RPL23A: variants seen among roughly 807,000 people sequenced by gnomAD.
RPL23A encodes large ribosomal subunit protein uL23.
RPL23A carries 2 observed loss-of-function variants against 17.6 expected under a neutral mutation model. The observed-to-expected ratio is 0.11, with a 90% CI of 0.05 to 0.36. RPL23A has a LOEUF of 0.36. Ranked by LOEUF, RPL23A falls within the 10% of genes least tolerant of loss-of-function variation. RPL23A has a pLI of 1.00. For missense variants in RPL23A, 132 were observed against 194.4 expected, an observed-to-expected ratio of 0.68 and a Z score of 1.91; for synonymous variants, 65 against 74.3, an observed-to-expected ratio of 0.87 and a Z score of 0.65.
rs374118651 is a variant in RPL23A, at chr17:28,723,917, A to T, written c.*36A>T. ...GCTGCCTAATTCTGAATATATATAT[A>T]TATATATCTTTTCACCATATACATG... is the stretch of plus-strand genomic sequence containing the variant. On this transcript the variant is annotated 3_prime_UTR_variant, in exon 5 of 5. Coordinates refer to ENST00000422514, the MANE Select transcript of RPL23A (RefSeq NM_000984.6). 67 of 1,443,818 alleles carry T rather than the reference A, an allele frequency of 4.6e-5. No homozygotes were observed. The African/African-American group carries it at 8.7e-4, about 19-fold the overall frequency. The allele number at this position is 1,443,818 out of a possible 1,614,324, so 89.4% of individuals were successfully genotyped here.
chr17:28,721,005 C>G (rs1366645841), intron 2 of RPL23A, 115 bp downstream of exon 2: 4 of 881,820 alleles, frequency 4.5e-6, no homozygotes, highest in Non-Finnish European at 7.1e-6. Context: ...CAGTGTGCTT[C>G]TCTAATTGGA....
intron 1 of RPL23A, chr17:28,720,232 G>T (rs989962100): frequency 3.2e-6 from 5 of 1,539,076 alleles, no homozygotes; most frequent in East Asian, 4.9e-5. Flanking sequence ...AGTTGGGGGG[G>T]GGCAACGCGG....
chr17:28,720,225 TGGGGGGGGGCAACGCGGCAG>T (rs1567751128), intron 1 of RPL23A, 195 bp downstream of exon 1: 1 of 1,506,308 alleles, frequency 6.6e-7, no homozygotes, highest in East Asian at 2.5e-5. Flanking sequence ...TAGAGGGAGT[TGGGGGGGGGCAACGCGGCAG>T]GCATCATCCG....
At chr17:28,721,739 A>G (rs2034117953) in intron 2 of RPL23A, 1 of 152,216 alleles carries the variant, frequency 6.6e-6, no homozygotes, top group Non-Finnish European at 1.5e-5. Flanking sequence ...GAGCCATGGT[A>G]GTAGTTAGTA....
At chr17:28,722,313 G>A (rs979149287) in intron 2 of RPL23A, 28 of 301,494 alleles carry the variant, frequency 9.3e-5, no homozygotes, top group Non-Finnish European at 1.7e-4. Flanking sequence ...TGAGTAGCTC[G>A]GACTACAGGC....
intron 3 of RPL23A, 58 bp from the exon 4 acceptor site, chr17:28,723,513 G>A: frequency 1.2e-5 from 15 of 1,213,928 alleles, no homozygotes; most frequent in Non-Finnish European, 1.7e-5. Context: ...GAGGAGGAAG[G>A]GGGAGGGTGT....
chr17:28,720,261 G>C (rs1308791879), intron 1 of RPL23A: 1 of 1,543,312 alleles, frequency 6.5e-7, no homozygotes, highest in Admixed American at 2.0e-5. Flanking sequence ...ATCCGCCAGG[G>C]AGGGCCAGAC....
rs905829699 is a variant in RPL23A at position 28,720,689 on chromosome 17, T to C, written c.26-18T>C. 1.2e-6 allele frequency: 2 copies of C among 1,614,056 alleles called. No homozygotes were observed. Among genetic ancestry groups the C allele is most frequent in the Non-Finnish European group, 8.5e-7 (1 of 1,179,936 alleles). On this transcript the variant is annotated intron_variant, in intron 1 of 4. Coordinates refer to ENST00000422514, the MANE Select transcript of RPL23A (RefSeq NM_000984.6). ...ATTTCTAAATCCCGCACCCACGTTTTCTTTCCTTTTCTCCCAGCTCCTGCC... is the reference window on the plus strand; with the variant it reads ...ATTTCTAAATCCCGCACCCACGTTTCCTTTCCTTTTCTCCCAGCTCCTGCC...
At chr17:28,722,081 T>A (rs1322608244) in intron 2 of RPL23A, among the ~76,000 whole-genome samples, 1 of 151,738 alleles carries the variant, frequency 6.6e-6, no homozygotes, top group Non-Finnish European at 1.5e-5. Flanking sequence ...CCGTCTCTAC[T>A]AAAAATACAA....
Position 28,723,895 on chromosome 17 carries a change from G to A in RPL23A, c.*14G>A, listed in dbSNP as rs1441705036. On this transcript the variant is annotated 3_prime_UTR_variant, in exon 5 of 5. Coordinates refer to ENST00000422514, the MANE Select transcript of RPL23A (RefSeq NM_000984.6). ...GGGATCATCTAAACTGAGTCCAGCTGCCTAATTCTGAATATATATATATAT... is the reference window on the plus strand; with the variant it reads ...GGGATCATCTAAACTGAGTCCAGCTACCTAATTCTGAATATATATATATAT... The A allele has an allele frequency of 1.3e-6, 2 of 1,574,756 alleles. No individual in the cohort carries two copies. Among genetic ancestry groups the A allele is most frequent in the African/African-American group, 1.4e-5 (1 of 73,522 alleles).
chr17:28,722,379 A>T (rs562504887), intron 2 of RPL23A: 1 of 384,680 alleles, frequency 2.6e-6, no homozygotes, highest in Non-Finnish European at 5.1e-6. Flanking sequence ...GAGTTTCACC[A>T]TGTTGGCCAG....
rs1411517538 is a variant in RPL23A, at chr17:28,722,843, A to C, written c.330A>C (p.Lys110Asn). Residue 110 changes from lysine (K) to asparagine (N), a missense_variant, in exon 3 of 5, where the codon AAA (lysine) becomes AAC (asparagine). Coordinates refer to ENST00000422514, the MANE Select transcript of RPL23A (RefSeq NM_000984.6). Reference sequence around the variant, plus strand: ...TTAAAGCCAACAAGCACCAGATTAAACAGGCTGTGAAGAAGCTGTATGACA... The same window carrying C: ...TTAAAGCCAACAAGCACCAGATTAACCAGGCTGTGAAGAAGCTGTATGACA... ...VDVKANKHQI[K>N]QAVKKLYDID... is the part of the protein sequence containing the mutation. 6.2e-7 allele frequency: 1 copy of C among 1,613,928 alleles called. No individual in the cohort carries two copies.
Position 28,720,508 on chromosome 17 carries a change from C to G in RPL23A, c.26-199C>G, listed in dbSNP as rs768102431. 5.2e-6 allele frequency: 8 copies of G among 1,546,030 alleles called. No individual in the cohort carries two copies. In the East Asian group the frequency reaches 1.8e-4, roughly 35 times the overall value. On this transcript the variant is annotated intron_variant, in intron 1 of 4. Coordinates refer to ENST00000422514, the MANE Select transcript of RPL23A (RefSeq NM_000984.6). ...GTGCTACTTTGTTTCATAGTCGTATCCCTGGAGTTACTTAGAGTTGGTCGC... is the reference window on the plus strand; with the variant it reads ...GTGCTACTTTGTTTCATAGTCGTATGCCTGGAGTTACTTAGAGTTGGTCGC...
intron 2 of RPL23A, chr17:28,722,478 A>G (rs1460630666): frequency 1.6e-6 from 1 of 631,886 alleles, no homozygotes; most frequent in South Asian, 1.4e-5. Context: ...CACCTGGCCC[A>G]GAGATGATTC....
Position 28,722,220 on chromosome 17 carries a change from G to T in RPL23A, c.210-503G>T, listed in dbSNP as rs771303609. Among the ~76,000 whole-genome samples the T allele has an allele frequency of 2.7e-5, 4 of 147,020 alleles. No individual in the cohort carries two copies. The Admixed American group carries it at 2.8e-4, about 10-fold the overall frequency. ...GCCGAGATCCTGTCACTGCACTCCA[G>T]CCTGGGCGAAGCGAGACTCTGTCTC... On this transcript the variant is annotated intron_variant, in intron 2 of 4. Coordinates refer to ENST00000422514, the MANE Select transcript of RPL23A (RefSeq NM_000984.6).
chr17:28,721,528 T>G (rs533186363), intron 2 of RPL23A: 237 of 152,798 alleles, frequency 1.6e-3, no homozygotes, highest in Non-Finnish European at 3.1e-3. Flanking sequence ...CGTGGATTGA[T>G]TCTTGATTGA....
chr17:28,720,809 C>T lies in RPL23A; in HGVS notation c.128C>T (p.Ser43Leu), dbSNP rs1297721364. The change falls in exon 2 of 5, where the codon TCA becomes TTA. Residue 43 changes from serine (S) to leucine (L), a missense_variant. Ser to Leu is a moderately radical substitution (Grantham distance 145, BLOSUM62 -2). This residue lies in a region of RPL23A where 69 missense variants were observed against 145.5 expected (regional missense o/e 0.47). Coordinates refer to ENST00000422514, the MANE Select transcript of RPL23A (RefSeq NM_000984.6). Reference protein sequence around the residue: ...HSHKKKKIRTSPTFRRPKTLR... With the variant: ...HSHKKKKIRTLPTFRRPKTLR... ...CACAAAAAGAAGAAGATCCGCACGTCACCCACCTTCCGGCGGCCGAAGACA... is the reference window on the plus strand; with the variant it reads ...CACAAAAAGAAGAAGATCCGCACGTTACCCACCTTCCGGCGGCCGAAGACA... 1.2e-6 allele frequency: 2 copies of T among 1,613,110 alleles called. No homozygotes were observed. Among genetic ancestry groups the T allele is most frequent in the African/African-American group, 1.3e-5 (1 of 74,920 alleles).
rs750452043 is a variant in RPL23A at position 28,720,904 on chromosome 17, C to G, written c.209+14C>G. The G allele has an allele frequency of 2.5e-6, 4 of 1,606,572 alleles. No homozygotes were observed. The South Asian group carries it at 4.4e-5, about 18-fold the overall frequency. ...CAGGAGAAACAAGTCAGTACTGCCC[C>G]CTGTACCCATGAAAAGATTTGGGTA... is the stretch of plus-strand genomic sequence containing the variant. On this transcript the variant is annotated intron_variant, in intron 2 of 4. Transcript: ENST00000422514.
chr17:28,720,545 G>T, intron 1 of RPL23A, 162 bp from the exon 2 acceptor site: 1 of 1,411,246 alleles, frequency 7.1e-7, no homozygotes, highest in South Asian at 1.2e-5. Context: ...TTCGCCTCTG[G>T]TATCGTGCAT....
Sources: allele counts gnomAD v4.1 joint callset (sites outside exome capture counted in the v4.1 genomes callset), GRCh38; gene constraint gnomAD v4.1.1; regional missense constraint gnomAD v4.1.1; transcripts MANE v1.5; gene names NCBI Gene and HGNC (gene_info 2026-07-23, HGNC 2026-07-21).